The following RFX3 variants were observed in gnomAD, a reference collection of about 807,000 sequenced individuals.
RFX3 encodes regulatory factor X3.
A neutral mutation model predicts 98.6 loss-of-function variants in RFX3; 14 were observed. The observed-to-expected ratio is 0.14, with a 90% CI of 0.09 to 0.22. The LOEUF (loss-of-function observed/expected upper bound fraction) is 0.22, where lower values mean the gene tolerates loss of function less well. RFX3 is among the 10% of genes least tolerant of loss of function. The pLI is 1.00. For missense variants in RFX3, 639 were observed against 926.9 expected (o/e 0.69, Z 4.03); for synonymous variants, 383 against 328.4 (o/e 1.17, Z -1.80).
intron 14 of RFX3, among the ~76,000 whole-genome samples, chr9:3,249,635 C>A (rs1229523205): frequency 1.3e-5 from 2 of 151,946 alleles, no homozygotes; most frequent in African/African-American, 2.4e-5. Flanking sequence ...TGGCAGAGGA[C>A]CTCTCAATTC....
At position 3,395,576 on chromosome 9, in the gene RFX3, C is replaced by T. The variant is rs748764342; in HGVS notation, c.13G>A (p.Glu5Lys). Residue 5 changes from glutamate (E) to lysine (K), a missense_variant, in exon 2 of 17, where the codon GAG becomes AAG. Around this residue, in one of 9 missense-constraint regions of RFX3, gnomAD observed 210 missense variants for 197.7 expected, o/e 1.06. Transcript: ENST00000617270. Reference sequence around the variant, plus strand: ...GTCGAGCCTGTGTCCGACCCAGTCTCTGATGTCTGCATGATGGTCTCTGAA... The same window carrying T: ...GTCGAGCCTGTGTCCGACCCAGTCTTTGATGTCTGCATGATGGTCTCTGAA... MQTS[E>K]TGSDTGSTVT... 1 of 1,614,088 alleles carries T rather than the reference C, an allele frequency of 6.2e-7. No homozygotes were observed. Among genetic ancestry groups the T allele is most frequent in the South Asian group, 1.1e-5 (1 of 91,076 alleles).
At chr9:3,493,469 G>C (rs1029169451) in intron 1 of RFX3, among the ~76,000 whole-genome samples, 1 of 151,840 alleles carries the variant, frequency 6.6e-6, no homozygotes, top group Non-Finnish European at 1.5e-5. Flanking sequence ...CAGATCACGA[G>C]GTCAGGAGAT....
At chr9:3,255,627 C>T (rs1042944804) in intron 14 of RFX3, among the ~76,000 whole-genome samples, 2 of 152,172 alleles carry the variant, frequency 1.3e-5, no homozygotes, top group African/African-American at 4.8e-5. Context: ...ATAATTTACC[C>T]AACTTATGGA....
chr9:3,436,302 T>A (rs1202450449), intron 1 of RFX3, among the ~76,000 whole-genome samples: 1 of 152,022 alleles, frequency 6.6e-6, no homozygotes, highest in African/African-American at 2.4e-5. Context: ...ACAACCAGTA[T>A]TTTTCTAACT....
chr9:3,422,762 T>C (rs1304616342), intron 1 of RFX3, among the ~76,000 whole-genome samples: 2 of 152,172 alleles, frequency 1.3e-5, no homozygotes, highest in Non-Finnish European at 2.9e-5. Flanking sequence ...CTGTACTATG[T>C]AAGATATCTG....
intron 15 of RFX3, among the ~76,000 whole-genome samples, chr9:3,245,400 G>T (rs1820529054): frequency 6.6e-6 from 1 of 152,200 alleles, no homozygotes; most frequent in African/African-American, 2.4e-5. Flanking sequence ...GGAGGCTGAT[G>T]TTGATCAGAG....
At chr9:3,525,585 AG>A (rs1345984261) in intron 1 of RFX3, among the ~76,000 whole-genome samples, 161 bp downstream of exon 1, 1 of 151,976 alleles carries the variant, frequency 6.6e-6, no homozygotes, top group African/African-American at 2.4e-5. Context: ...CGGGGAACAG[AG>A]CCCCTCGGCG....
At chr9:3,373,621 T>C (rs1838099801) in intron 2 of RFX3, among the ~76,000 whole-genome samples, 1 of 152,062 alleles carries the variant, frequency 6.6e-6, no homozygotes, top group Admixed American at 6.6e-5. Context: ...GAATAAAAGG[T>C]ATAAGGAAAG....
rs1823614923 is a variant in RFX3, at chr9:3,266,225, T to C, written c.1438A>G (p.Arg480Gly). 6.2e-7 allele frequency: 1 copy of C among 1,607,704 alleles called. No homozygotes were observed. Among genetic ancestry groups the C allele is most frequent in the Non-Finnish European group, 8.5e-7 (1 of 1,175,246 alleles). ...AAGTATACCTTGGTTTGTATCATTC[T>C]CTGTGGAATATTGTTCATGGCATTG... ...LSNAMNNIPQ[R>G]MIQTKVAAVS... Residue 480 changes from arginine to glycine, a missense_variant, in exon 12 of 17, where the codon AGA (arginine) becomes GGA (glycine). By Grantham distance (125) the Arg-to-Gly change is moderately radical. Transcript: ENST00000617270.
At chr9:3,454,692 C>T (rs1192403366) in intron 1 of RFX3, among the ~76,000 whole-genome samples, 1 of 152,198 alleles carries the variant, frequency 6.6e-6, no homozygotes, top group Non-Finnish European at 1.5e-5. Context: ...AAATCCCATT[C>T]TATGACTAGG....
intron 16 of RFX3, among the ~76,000 whole-genome samples, chr9:3,226,793 C>T (rs1353362125): frequency 6.6e-6 from 1 of 152,076 alleles, no homozygotes; most frequent in African/African-American, 2.4e-5. Context: ...TGTTTTTATA[C>T]ATAAAACAAC....
chr9:3,371,702 T>C (rs1304891124), intron 2 of RFX3, among the ~76,000 whole-genome samples: 1 of 152,148 alleles, frequency 6.6e-6, no homozygotes, highest in Non-Finnish European at 1.5e-5. Flanking sequence ...TACTAAATGA[T>C]TGAGAAATGG....
chr9:3,367,803 CA>C (rs1206548422), intron 2 of RFX3, among the ~76,000 whole-genome samples: 1 of 152,140 alleles, frequency 6.6e-6, no homozygotes. Context: ...AATTCTTCCT[CA>C]AAAAGTTCGA....
At chr9:3,446,204 G>C (rs963827980) in intron 1 of RFX3, among the ~76,000 whole-genome samples, 1 of 152,064 alleles carries the variant, frequency 6.6e-6, no homozygotes, top group Non-Finnish European at 1.5e-5. Flanking sequence ...TACTGGGGGA[G>C]TATATAAAAG....
chr9:3,329,893 T>C (rs1281982922), intron 4 of RFX3, among the ~76,000 whole-genome samples: 2 of 152,182 alleles, frequency 1.3e-5, no homozygotes, highest in African/African-American at 4.8e-5. Context: ...TTTTATTCTC[T>C]GTATTACTGC....
intron 1 of RFX3, among the ~76,000 whole-genome samples, chr9:3,464,064 G>A (rs887101099): frequency 6.6e-6 from 1 of 152,070 alleles, no homozygotes. Flanking sequence ...TCATTTTAGG[G>A]AAATACAAAG....
intron 3 of RFX3, among the ~76,000 whole-genome samples, chr9:3,338,707 G>A (rs1303901665): frequency 2.0e-5 from 3 of 152,270 alleles, no homozygotes; most frequent in South Asian, 4.2e-4. Context: ...CTGCTAGCCT[G>A]GGGAATACAC....
intron 2 of RFX3, among the ~76,000 whole-genome samples, chr9:3,362,132 T>A (rs2131397244): frequency 6.6e-6 from 1 of 152,244 alleles, no homozygotes; most frequent in Non-Finnish European, 1.5e-5. Context: ...TTACTTAAAT[T>A]CTCTCTCACT....
chr9:3,525,388 C>G (rs1010061355), intron 1 of RFX3, among the ~76,000 whole-genome samples: 2 of 152,182 alleles, frequency 1.3e-5, no homozygotes, highest in Non-Finnish European at 2.9e-5. Flanking sequence ...CTCCTCAGAC[C>G]AGACCTAAGG....
Sources: gnomAD v4.1 joint callset for allele counts (sites outside exome capture counted in the v4.1 genomes callset) on GRCh38, gnomAD v4.1.1 for gene constraint, gnomAD v4.1.1 regional missense constraint, MANE v1.5 for transcripts, NCBI Gene and HGNC (gene_info 2026-07-23, HGNC 2026-07-21) for gene names.